The following TENT4B variants were observed in gnomAD, a reference collection of about 807,000 sequenced individuals.
TENT4B encodes terminal nucleotidyltransferase 4B.
TENT4B carries 10 observed loss-of-function variants against 75.0 expected under a neutral mutation model. The ratio of observed to expected loss-of-function variants is 0.13; its 90% CI spans 0.08 to 0.23. The LOEUF is 0.23. TENT4B is among the 10% of genes least tolerant of loss of function. TENT4B has a pLI of 1.00. For missense variants in TENT4B, 579 were observed against 893.8 expected (o/e 0.65, Z 4.49); for synonymous variants, 350 against 357.7 (o/e 0.98, Z 0.24).
chr16:50,204,694 C>T (rs752703420), intron 1 of TENT4B, among the ~76,000 whole-genome samples: 5 of 152,162 alleles, frequency 3.3e-5, no homozygotes, highest in African/African-American at 1.2e-4. Context: ...AGTACAAAAT[C>T]ATGCAAATTC....
At chr16:50,228,130 TA>T in intron 11 of TENT4B, 127 bp downstream of exon 11, 1 of 1,217,278 alleles carries the variant, frequency 8.2e-7, no homozygotes, top group Admixed American at 2.4e-5. Context: ...TATTTTATTC[TA>T]AGAGGTTCCA....
intron 1 of TENT4B, among the ~76,000 whole-genome samples, chr16:50,183,371 C>T (rs564022182): frequency 6.6e-5 from 10 of 151,732 alleles, no homozygotes; most frequent in African/African-American, 1.7e-4. Context: ...CTTGCTGTAG[C>T]GGTTGTGGGA....
In TENT4B at chr16:50,216,160, G is replaced by A; in HGVS notation, c.895G>A (p.Asp299Asn). ...EEALRKHKVA[D>N]EDSVKVLDKA... ...AGCTCTTCGGAAACACAAAGTCGCA[G>A]ATGAGGATTCGGTGAAAGTTTTAGA... The change falls in exon 4 of 12, where the codon GAT (aspartate) becomes AAT (asparagine). Residue 299 changes from aspartate (D) to asparagine (N), a missense_variant. Coordinates refer to ENST00000561678, the MANE Select transcript of TENT4B (RefSeq NM_001365324.3). The A allele has an allele frequency of 6.2e-7, 1 of 1,614,016 alleles. No individual in the cohort carries two copies. The highest frequency in any genetic ancestry group is 8.5e-7 in the Non-Finnish European group (1 of 1,179,882).
At chr16:50,159,951 T>G (rs2037973136) in intron 1 of TENT4B, among the ~76,000 whole-genome samples, 1 of 152,132 alleles carries the variant, frequency 6.6e-6, no homozygotes. Context: ...CAGGCTGGAG[T>G]GCAGTGGCGT....
intron 1 of TENT4B, among the ~76,000 whole-genome samples, chr16:50,197,568 C>T (rs1222075352): frequency 6.6e-6 from 1 of 152,174 alleles, no homozygotes; most frequent in Non-Finnish European, 1.5e-5. Context: ...GGATTACAGG[C>T]GTGAGCCACC....
Position 50,232,378 on chromosome 16 carries a change from C to G in TENT4B, c.*3050C>G, listed in dbSNP as rs1340712904. Reference sequence around the variant, plus strand: ...TTTGAGTGTACTTTACCTTTACTTGCATTTTGAGCCTCATTAATATTTAGG... The same window carrying G: ...TTTGAGTGTACTTTACCTTTACTTGGATTTTGAGCCTCATTAATATTTAGG... On this transcript the variant is annotated 3_prime_UTR_variant, in exon 12 of 12. Transcript: ENST00000561678. The G allele has an allele frequency of 1.0e-6, 1 of 985,238 alleles. No homozygotes were observed. Among genetic ancestry groups the G allele is most frequent in the East Asian group, 1.1e-4 (1 of 8,834 alleles). 61.0% of individuals were successfully genotyped at this position (985,238 alleles called of 1,614,324 possible). A position where few individuals can be genotyped will look rare whatever the true frequency, so the allele number is the denominator to read the frequency against.
Position 50,227,995 on chromosome 16 carries a change from A to G in TENT4B, c.1957A>G (p.Lys653Glu), listed in dbSNP as rs746472631. 2 of 1,613,854 alleles carry G rather than the reference A, an allele frequency of 1.2e-6. No homozygotes were observed. Among genetic ancestry groups the G allele is most frequent in the South Asian group, 2.2e-5 (2 of 91,064 alleles). Residue 653 changes from lysine to glutamate, a missense_variant, in exon 11 of 12, where the codon AAA becomes GAA. This residue lies in a region of TENT4B where 164 missense variants were observed against 226.5 expected (regional missense o/e 0.72). Coordinates refer to ENST00000561678, the MANE Select transcript of TENT4B (RefSeq NM_001365324.3). ...QTTNTSNSTN[K>E]SQHGSARLFR... Reference sequence around the variant, plus strand: ...CACTAACACATCCAACAGCACCAACAAATCTCAGGTGTGTGGAACGTGGGT... The same window carrying G: ...CACTAACACATCCAACAGCACCAACGAATCTCAGGTGTGTGGAACGTGGGT...
intron 1 of TENT4B, among the ~76,000 whole-genome samples, chr16:50,158,696 T>A (rs1431173234): frequency 6.6e-6 from 1 of 152,150 alleles, no homozygotes; most frequent in African/African-American, 2.4e-5. Context: ...GATCTGTAGA[T>A]GCTTTTTTAA....
At chr16:50,178,071 G>A (rs1267348476) in intron 1 of TENT4B, among the ~76,000 whole-genome samples, 1 of 151,122 alleles carries the variant, frequency 6.6e-6, no homozygotes, top group Non-Finnish European at 1.5e-5. Flanking sequence ...CATGTGGTCT[G>A]AGAGCATACC....
At chr16:50,160,194 G>A (rs1313346876) in intron 1 of TENT4B, among the ~76,000 whole-genome samples, 1 of 152,244 alleles carries the variant, frequency 6.6e-6, no homozygotes, top group Middle Eastern at 3.4e-3. Context: ...CACTGCGCCC[G>A]GCCGCTAACT....
chr16:50,211,910 T>C (rs2031299082), intron 2 of TENT4B, among the ~76,000 whole-genome samples: 1 of 152,224 alleles, frequency 6.6e-6, no homozygotes. Flanking sequence ...AATGCACGCA[T>C]AAGTCTTTTC....
chr16:50,194,216 C>CTTTT (rs5816679), intron 1 of TENT4B, among the ~76,000 whole-genome samples: 1 of 139,802 alleles, frequency 7.2e-6, no homozygotes. Flanking sequence ...TCTTTTCTTT[C>CTTTT]TTTTTTTTTT....
At position 50,233,690 on chromosome 16, in the gene TENT4B, T is replaced by C. The variant is rs2032364637; in HGVS notation, c.*4362T>C. Reference sequence around the variant, plus strand: ...TACTGTCTCTCAGGTTTTTGGTTTTTTTAAAAAAAATGTGTTTGGCCTTTA... The same window carrying C: ...TACTGTCTCTCAGGTTTTTGGTTTTCTTAAAAAAAATGTGTTTGGCCTTTA... On this transcript the variant is annotated 3_prime_UTR_variant, in exon 12 of 12. Coordinates refer to ENST00000561678, the MANE Select transcript of TENT4B (RefSeq NM_001365324.3). The C allele has an allele frequency of 1.1e-6, 1 of 937,106 alleles. No homozygotes were observed. Among genetic ancestry groups the C allele is most frequent in the Non-Finnish European group, 1.2e-6 (1 of 803,954 alleles). 58.0% of individuals were successfully genotyped at this position (937,106 alleles called of 1,614,324 possible). A position where few individuals can be genotyped will look rare whatever the true frequency, so the allele number is the denominator to read the frequency against.
At chr16:50,185,089 A>G (rs141474983) in intron 1 of TENT4B, among the ~76,000 whole-genome samples, 2 of 152,292 alleles carry the variant, frequency 1.3e-5, no homozygotes, top group African/African-American at 4.8e-5. Context: ...CTCTTTGGGT[A>G]GTCTTGGTAT....
At chr16:50,191,000 T>C (rs1405175372) in intron 1 of TENT4B, among the ~76,000 whole-genome samples, 1 of 152,030 alleles carries the variant, frequency 6.6e-6, no homozygotes, top group African/African-American at 2.4e-5. Context: ...TTTCATTAGC[T>C]TAATGTCCTC....
intron 1 of TENT4B, among the ~76,000 whole-genome samples, chr16:50,198,876 T>A (rs375998841): frequency 2.8e-4 from 43 of 152,360 alleles, no homozygotes; most frequent in African/African-American, 1.0e-3. Flanking sequence ...GATCCAGCTA[T>A]CCATGAGAGT....
In TENT4B at chr16:50,233,410, T is replaced by C. The variant is rs1011031284; in HGVS notation, c.*4082T>C. On this transcript the variant is annotated 3_prime_UTR_variant, in exon 12 of 12. Coordinates refer to ENST00000561678, the MANE Select transcript of TENT4B (RefSeq NM_001365324.3). ...AAGCCAGATTTTACTGTAGAAGTTA[T>C]TTACATGATTTGAAAACTTGACCTA... 2 of 985,438 alleles carry C rather than the reference T, an allele frequency of 2.0e-6. No individual in the cohort carries two copies. Among genetic ancestry groups the C allele is most frequent in the East Asian group, 1.1e-4 (1 of 8,824 alleles). 61.0% of individuals were successfully genotyped at this position (985,438 alleles called of 1,614,324 possible). A position where few individuals can be genotyped will look rare whatever the true frequency, so the allele number is the denominator to read the frequency against.
intron 1 of TENT4B, among the ~76,000 whole-genome samples, chr16:50,191,204 A>G (rs1042731769): frequency 5.3e-5 from 8 of 151,812 alleles, no homozygotes; most frequent in Non-Finnish European, 8.8e-5. Flanking sequence ...TCTGCTATCA[A>G]TTCTTTAAGT....
chr16:50,161,899 G>A (rs916707561), intron 1 of TENT4B, among the ~76,000 whole-genome samples: 3 of 152,128 alleles, frequency 2.0e-5, no homozygotes, highest in Non-Finnish European at 4.4e-5. Context: ...GATAGCCACT[G>A]TAACAGTCTA....
Sources: gnomAD v4.1 joint callset for allele counts (sites outside exome capture counted in the v4.1 genomes callset) on GRCh38, gnomAD v4.1.1 for gene constraint, gnomAD v4.1.1 regional missense constraint, MANE v1.5 for transcripts, NCBI Gene and HGNC (gene_info 2026-07-23, HGNC 2026-07-21) for gene names.